NBAS: variants seen among roughly 807,000 people sequenced by gnomAD.
The protein encoded by NBAS is NAG/BC035112 fusion.
Under a neutral mutation model 302.5 loss-of-function variants are expected in NBAS, and 219 were observed. That is an observed-to-expected ratio of 0.72 (90% CI 0.65 to 0.81). NBAS has a LOEUF of 0.81. Among genes scored for constraint, NBAS ranks in the 30% least tolerant of loss-of-function variants. NBAS has a pLI of 0.00. For missense variants in NBAS, 2,932 were observed against 2,841.6 expected (o/e 1.03, Z -0.72); for synonymous variants, 1,118 against 1,021.6 (o/e 1.09, Z -1.80).
chr2:15,545,653 G>A (rs982828725), intron 6 of NBAS, among the ~76,000 whole-genome samples: 3 of 152,144 alleles, frequency 2.0e-5, no homozygotes, highest in African/African-American at 7.2e-5. Flanking sequence ...TTTAAAATTG[G>A]TTAATTAAAA....
chr2:14,792,725 A>T, the NBAS span, among the ~76,000 whole-genome samples: 2 of 152,300 alleles, frequency 1.3e-5, no homozygotes, highest in Admixed American at 1.3e-4. Flanking sequence ...ATAATAGACA[A>T]AATGTTCAGA....
chr2:15,508,979 T>C (rs1254509952), intron 10 of NBAS, among the ~76,000 whole-genome samples: 2 of 152,066 alleles, frequency 1.3e-5, no homozygotes, highest in Non-Finnish European at 2.9e-5. Context: ...CATGCTTACT[T>C]TAGACAGAGC....
intron 40 of NBAS, among the ~76,000 whole-genome samples, chr2:15,307,978 G>A (rs1671103596): frequency 6.6e-6 from 1 of 152,128 alleles, no homozygotes; most frequent in Non-Finnish European, 1.5e-5. Context: ...AAGTAAATGA[G>A]TAAATTAAGT....
At chr2:15,232,605 T>G in intron 46 of NBAS, 94 bp from the exon 47 acceptor site, 2 of 1,131,642 alleles carry the variant, frequency 1.8e-6, no homozygotes, top group South Asian at 2.6e-5. Context: ...CTGGCTGGAT[T>G]TTGGCACAGT....
rs781067753 is a variant in NBAS, at chr2:15,536,560, G to C, written c.514-9C>G. On this transcript the variant is annotated splice_polypyrimidine_tract_variant and intron_variant, in intron 7 of 51. Transcript: ENST00000281513. ...CCTATAAAACTAGATGCCTACAGAA[G>C]AGGGGGAAATTAAGTTACTAAAAAA... 3.8e-6 allele frequency: 6 copies of C among 1,588,334 alleles called. No homozygotes were observed. The highest frequency in any genetic ancestry group is 1.7e-6 in the Non-Finnish European group (2 of 1,168,872).
At chr2:15,068,005 T>C in the NBAS span, among the ~76,000 whole-genome samples, 10 of 152,240 alleles carry the variant, frequency 6.6e-5, no homozygotes, top group African/African-American at 2.4e-4. Context: ...CTCTAAGTTT[T>C]AGAGTTTAAC....
the NBAS span, among the ~76,000 whole-genome samples, chr2:14,910,726 T>G: frequency 6.6e-6 from 1 of 152,260 alleles, no homozygotes; most frequent in South Asian, 2.1e-4. Flanking sequence ...GGCTGGGATT[T>G]GTGCCCAAGG....
the NBAS span, among the ~76,000 whole-genome samples, chr2:14,968,270 C>T: frequency 3.3e-5 from 5 of 152,090 alleles, no homozygotes; most frequent in African/African-American, 1.2e-4. Flanking sequence ...ATTCAATAAT[C>T]AAAAGACAAA....
intron 48 of NBAS, among the ~76,000 whole-genome samples, chr2:15,217,977 G>C (rs909023271): frequency 1.3e-5 from 2 of 152,218 alleles, no homozygotes; most frequent in Non-Finnish European, 2.9e-5. Context: ...AGGTTCCAGA[G>C]AGAAGATGGA....
intron 44 of NBAS, among the ~76,000 whole-genome samples, chr2:15,273,522 T>C (rs1669426333): frequency 6.6e-6 from 1 of 152,210 alleles, no homozygotes; most frequent in Non-Finnish European, 1.5e-5. Flanking sequence ...GGGATAAATC[T>C]CCATGAGTTC....
At chr2:15,467,184 T>C (rs1424389393) in intron 19 of NBAS, 145 bp downstream of exon 19, 3 of 657,216 alleles carry the variant, frequency 4.6e-6, no homozygotes, top group Admixed American at 2.7e-5. Context: ...AAAACTAGTA[T>C]ATAAGAGAAC....
At chr2:15,239,240 A>G (rs1667746128) in intron 44 of NBAS, among the ~76,000 whole-genome samples, 2 of 152,080 alleles carry the variant, frequency 1.3e-5, no homozygotes, top group Non-Finnish European at 2.9e-5. Flanking sequence ...CTTAGAAATC[A>G]GAATATAAAA....
At chr2:15,032,059 C>T in the NBAS span, among the ~76,000 whole-genome samples, 15 of 152,166 alleles carry the variant, frequency 9.9e-5, no homozygotes, top group Non-Finnish European at 1.5e-5. Context: ...GGAATGGAGT[C>T]GAGTTGTTTC....
chr2:15,495,119 A>G (rs1375350289), intron 11 of NBAS, among the ~76,000 whole-genome samples: 1 of 152,198 alleles, frequency 6.6e-6, no homozygotes, highest in Non-Finnish European at 1.5e-5. Flanking sequence ...ACATAAATGG[A>G]AACTGGGGGA....
the NBAS span, chr2:14,890,459 GGTATTATCTAT>G: frequency 6.6e-6 from 1 of 151,924 alleles, no homozygotes; most frequent in Non-Finnish European, 1.5e-5. Context: ...TACTGATAAG[GGTATTATCTAT>G]GTATTATCTA....
At chr2:15,344,114 C>T (rs1672980026) in intron 35 of NBAS, among the ~76,000 whole-genome samples, 1 of 151,156 alleles carries the variant, frequency 6.6e-6, no homozygotes, top group African/African-American at 2.4e-5. Context: ...GAATAGCCAG[C>T]CAATAAGCAC....
At position 15,394,308 on chromosome 2, in the gene NBAS, A is replaced by G; in HGVS notation, c.3176T>C (p.Ile1059Thr). 6.2e-7 allele frequency: 1 copy of G among 1,613,278 alleles called. No homozygotes were observed. The highest frequency in any genetic ancestry group is 8.5e-7 in the Non-Finnish European group (1 of 1,179,438). ...LLEKHGLEKP[I>T]SFVKNTQSSS... ...AGATTGAGTGTTTTTAACAAATGAAATTGGTTTCTCGAGTCCATGTTTTTC... is the reference window on the plus strand; with the variant it reads ...AGATTGAGTGTTTTTAACAAATGAAGTTGGTTTCTCGAGTCCATGTTTTTC... Residue 1059 changes from isoleucine (I) to threonine (T), a missense_variant, in exon 28 of 52, where the codon ATT (isoleucine) becomes ACT (threonine). Ile to Thr is a moderately conservative substitution (Grantham distance 89). Transcript: ENST00000281513.
the NBAS span, among the ~76,000 whole-genome samples, chr2:14,894,144 A>T: frequency 6.6e-6 from 1 of 152,172 alleles, no homozygotes; most frequent in Admixed American, 6.5e-5. Flanking sequence ...ACTTACAGAG[A>T]CTCAAAAATA....
At chr2:15,074,541 C>G in the NBAS span, among the ~76,000 whole-genome samples, 1 of 151,818 alleles carries the variant, frequency 6.6e-6, no homozygotes, top group African/African-American at 2.4e-5. Context: ...CAAAGAAATA[C>G]AGCAACAAAT....
Sources: allele counts gnomAD v4.1 joint callset (sites outside exome capture counted in the v4.1 genomes callset), GRCh38; gene constraint gnomAD v4.1.1; transcripts MANE v1.5; gene names NCBI Gene and HGNC (gene_info 2026-07-23, HGNC 2026-07-21).